Variants in GRID2 observed in about 807,000 individuals in gnomAD.
GRID2 encodes glutamate receptor ionotropic, delta-2.
A neutral mutation model predicts 114.8 loss-of-function variants in GRID2; 33 were observed. The observed-to-expected ratio is 0.29, with a 90% CI of 0.22 to 0.38. The LOEUF (loss-of-function observed/expected upper bound fraction) is 0.38, where lower values mean the gene tolerates loss of function less well. Ranked by LOEUF, GRID2 falls within the 10% of genes least tolerant of loss-of-function variation. The pLI, the probability that GRID2 is intolerant of heterozygous loss-of-function variation, is 1.00. For missense variants in GRID2, 1,184 were observed against 1,257.7 expected, an observed-to-expected ratio of 0.94 and a Z score of 0.89; for synonymous variants, 505 against 449.9, an observed-to-expected ratio of 1.12 and a Z score of -1.55.
chr4:92,734,184 TTAAAAA>T (rs1191172479), intron 2 of GRID2, among the ~76,000 whole-genome samples: 1 of 152,188 alleles, frequency 6.6e-6, no homozygotes, highest in Admixed American at 6.6e-5. Flanking sequence ...AATTTTACAC[TTAAAAA>T]TAAATGAACT....
intron 1 of GRID2, among the ~76,000 whole-genome samples, chr4:92,538,286 C>T (rs1332949865): frequency 6.6e-6 from 1 of 152,148 alleles, no homozygotes; most frequent in Non-Finnish European, 1.5e-5. Context: ...AAACTCTTTT[C>T]AAGATTAAAA....
intron 4 of GRID2, among the ~76,000 whole-genome samples, chr4:93,124,870 G>A (rs1309701692): frequency 6.6e-6 from 1 of 151,926 alleles, no homozygotes; most frequent in African/African-American, 2.4e-5. Context: ...CATATAAGAA[G>A]GTTAAAAAAT....
intron 1 of GRID2, among the ~76,000 whole-genome samples, chr4:92,362,703 T>G (rs2110203781): frequency 6.6e-6 from 1 of 152,106 alleles, no homozygotes; most frequent in Non-Finnish European, 1.5e-5. Context: ...GGATATTTTT[T>G]GAGACCTAAG....
intron 2 of GRID2, among the ~76,000 whole-genome samples, chr4:92,965,269 A>T (rs1318806546): frequency 6.6e-6 from 1 of 151,702 alleles, no homozygotes; most frequent in East Asian, 1.9e-4. Context: ...CCCTCCAAAC[A>T]GTAACATCAA....
intron 13 of GRID2, among the ~76,000 whole-genome samples, chr4:93,588,970 G>A (rs1336964907): frequency 6.6e-6 from 1 of 151,910 alleles, no homozygotes; most frequent in Admixed American, 6.6e-5. Flanking sequence ...ATTATACCCA[G>A]AATGAAGTCC....
chr4:93,701,933 TTATAA>T (rs1271215347), intron 14 of GRID2, among the ~76,000 whole-genome samples: 17 of 152,232 alleles, frequency 1.1e-4, no homozygotes, highest in Admixed American at 4.6e-4. Flanking sequence ...TAATCAGTAA[TTATAA>T]TATAATATAA....
intron 14 of GRID2, among the ~76,000 whole-genome samples, chr4:93,652,169 C>A (rs1477839665): frequency 6.6e-6 from 1 of 152,080 alleles, no homozygotes; most frequent in Admixed American, 6.6e-5. Context: ...CATGCCCTAT[C>A]TAATATGACT....
intron 2 of GRID2, among the ~76,000 whole-genome samples, chr4:92,715,680 A>G (rs1373512988): frequency 6.6e-6 from 1 of 152,164 alleles, no homozygotes; most frequent in African/African-American, 2.4e-5. Context: ...CTACCCTTTT[A>G]TAAAACCATC....
At chr4:93,691,206 TTAA>T (rs1726534259) in intron 14 of GRID2, among the ~76,000 whole-genome samples, 1 of 151,762 alleles carries the variant, frequency 6.6e-6, no homozygotes, top group African/African-American at 2.4e-5. Flanking sequence ...TAAAATAAAC[TTAA>T]TGATGATCTT....
At chr4:92,392,277 G>C (rs1467807439) in intron 1 of GRID2, among the ~76,000 whole-genome samples, 2 of 151,886 alleles carry the variant, frequency 1.3e-5, no homozygotes, top group Non-Finnish European at 2.9e-5. Context: ...TTTCTTGGCT[G>C]GGCGCGGTGG....
rs1002830386 is a variant in GRID2, at chr4:93,537,681, G to T, written c.2193+22270G>T. On this transcript the variant is annotated intron_variant, in intron 13 of 15. Coordinates refer to ENST00000282020, the MANE Select transcript of GRID2 (RefSeq NM_001510.4). ...ATTGCAGAAAGATATTTGGAGAGTTGATGCTTTCTGTCAACATTACAACTT... is the reference window on the plus strand; with the variant it reads ...ATTGCAGAAAGATATTTGGAGAGTTTATGCTTTCTGTCAACATTACAACTT... Among the ~76,000 whole-genome samples the T allele has an allele frequency of 4.6e-5, 7 of 151,762 alleles. No homozygotes were observed. In the East Asian group the frequency reaches 1.4e-3, roughly 29 times the overall value.
At chr4:92,422,068 TC>T in intron 1 of GRID2, among the ~76,000 whole-genome samples, 1 of 152,212 alleles carries the variant, frequency 6.6e-6, no homozygotes, top group East Asian at 1.9e-4. Context: ...AGATGAGGCT[TC>T]CCTTTTTGAG....
intron 4 of GRID2, among the ~76,000 whole-genome samples, chr4:93,163,001 G>T (rs1737830637): frequency 6.6e-6 from 1 of 151,840 alleles, no homozygotes; most frequent in Admixed American, 6.6e-5. Context: ...TTTTGAATCT[G>T]CTTCTTTCTG....
chr4:93,634,591 G>C (rs76944852), intron 14 of GRID2, among the ~76,000 whole-genome samples: 9 of 151,970 alleles, frequency 5.9e-5, no homozygotes, highest in Non-Finnish European at 1.0e-4. Flanking sequence ...AACAGATCTA[G>C]GCCTCAGGTT....
intron 2 of GRID2, among the ~76,000 whole-genome samples, chr4:92,918,074 G>A (rs538478439): frequency 6.6e-6 from 1 of 152,206 alleles, no homozygotes; most frequent in African/African-American, 2.4e-5. Flanking sequence ...CACATCCCTT[G>A]TAAGTTGGTT....
At chr4:93,705,954 T>G (rs1042486225) in intron 14 of GRID2, among the ~76,000 whole-genome samples, 2 of 152,214 alleles carry the variant, frequency 1.3e-5, no homozygotes, top group African/African-American at 4.8e-5. Flanking sequence ...CCTCAGTGTA[T>G]GTTCTTGGCA....
intron 9 of GRID2, among the ~76,000 whole-genome samples, chr4:93,398,746 A>G (rs1304389425): frequency 2.2e-5 from 3 of 138,250 alleles, no homozygotes; most frequent in Non-Finnish European, 4.6e-5. Flanking sequence ...ACATGGAAGC[A>G]GTGTTTTTTT....
At chr4:93,565,228 T>C (rs975381746) in intron 13 of GRID2, among the ~76,000 whole-genome samples, 1 of 152,088 alleles carries the variant, frequency 6.6e-6, no homozygotes, top group Non-Finnish European at 1.5e-5. Context: ...TAATAAAATA[T>C]TATGAAACTT....
At chr4:93,043,377 G>A (rs1483291466) in intron 2 of GRID2, among the ~76,000 whole-genome samples, 2 of 152,120 alleles carry the variant, frequency 1.3e-5, no homozygotes, top group Admixed American at 6.6e-5. Flanking sequence ...ATAAGGAAGA[G>A]ATACAGACAC....
Sources: allele counts gnomAD v4.1 joint callset (sites outside exome capture counted in the v4.1 genomes callset), GRCh38; gene constraint gnomAD v4.1.1; transcripts MANE v1.5; gene names NCBI Gene and HGNC (gene_info 2026-07-23, HGNC 2026-07-21).